The following CERT1 variants were observed in gnomAD, a reference collection of about 807,000 sequenced individuals.
CERT1 encodes ceramide transporter 1, also known as ceramide transfer protein.
Under a neutral mutation model 87.9 loss-of-function variants are expected in CERT1, and 31 were observed. That is an observed-to-expected ratio of 0.35 (90% CI 0.27 to 0.48). The LOEUF (loss-of-function observed/expected upper bound fraction) is 0.48. Among genes scored for constraint, CERT1 ranks in the 20% least tolerant of loss-of-function variants. CERT1 has a pLI of 0.99. For synonymous variants in CERT1, 289 were observed against 250.9 expected, an observed-to-expected ratio of 1.15 and a Z score of -1.44; for missense variants, 487 against 758.0, an observed-to-expected ratio of 0.64 and a Z score of 4.20.
intron 11 of CERT1, among the ~76,000 whole-genome samples, chr5:75,392,615 A>C (rs1459687777): frequency 6.6e-6 from 1 of 152,210 alleles, no homozygotes; most frequent in Non-Finnish European, 1.5e-5. Context: ...CCAGACTGAC[A>C]CTTCAGATTT....
At chr5:75,390,408 C>T (rs1327847762) in intron 11 of CERT1, among the ~76,000 whole-genome samples, 4 of 151,940 alleles carry the variant, frequency 2.6e-5, no homozygotes, top group African/African-American at 9.7e-5. Context: ...CATATAATCA[C>T]CTTTTAGTTC....
chr5:75,504,528 TAACA>T (rs1486069064), intron 2 of CERT1, among the ~76,000 whole-genome samples: 1 of 152,168 alleles, frequency 6.6e-6, no homozygotes, highest in African/African-American at 2.4e-5. Flanking sequence ...CCTAAATGCA[TAACA>T]AACATACGCT....
intron 13 of CERT1, 62 bp downstream of exon 13, chr5:75,385,840 A>G (rs568548026): frequency 6.5e-6 from 8 of 1,235,866 alleles, no homozygotes; most frequent in Non-Finnish European, 8.3e-6. Flanking sequence ...GCAGAAAACT[A>G]GGTTGGATTT....
chr5:75,393,602 T>TAAAAAAAAAA lies in CERT1; in HGVS notation c.1189-3925_1189-3916dup, dbSNP rs60898983. Among the ~76,000 whole-genome samples the TAAAAAAAAAA allele has an allele frequency of 1.3e-3, 41 of 32,736 alleles. 2 individuals carry two copies. Among genetic ancestry groups the TAAAAAAAAAA allele is most frequent in the Admixed American group, 3.0e-3 (5 of 1,660 alleles). 21.5% of individuals were successfully genotyped at this position (32,736 alleles called of 152,430 possible). On this transcript the variant is annotated intron_variant, in intron 11 of 16. Coordinates refer to ENST00000643780, the MANE Select transcript of CERT1 (RefSeq NM_001379029.1). ...GCAACATAGCAAGACCTCATCTACT[T>TAAAAAAAAAA]AAAAAAAAAAAAAAAAAAAAAGAAA...
chr5:75,419,916 T>C (rs568410538), intron 5 of CERT1, among the ~76,000 whole-genome samples: 3 of 152,294 alleles, frequency 2.0e-5, no homozygotes, highest in South Asian at 4.2e-4. Flanking sequence ...CCAGAAGGGC[T>C]GAACAGGACT....
chr5:75,405,642 C>A (rs1762671741), intron 8 of CERT1, among the ~76,000 whole-genome samples: 1 of 152,114 alleles, frequency 6.6e-6, no homozygotes, highest in African/African-American at 2.4e-5. Flanking sequence ...ATACAATAGT[C>A]TCCCCCATCT....
intron 2 of CERT1, among the ~76,000 whole-genome samples, chr5:75,462,321 G>A (rs2112323650): frequency 6.6e-6 from 1 of 152,330 alleles, no homozygotes; most frequent in Admixed American, 6.5e-5. Flanking sequence ...TGCGGGGAAT[G>A]GTTCTGGGAT....
intron 2 of CERT1, among the ~76,000 whole-genome samples, chr5:75,483,104 A>G (rs906802628): frequency 3.9e-5 from 6 of 152,224 alleles, no homozygotes; most frequent in African/African-American, 1.4e-4. Flanking sequence ...ACGGTATTCA[A>G]AATAGCTATT....
rs185778091 is a variant in CERT1 at position 75,480,939 on chromosome 5, T to C, written c.232-21758A>G. 6.6e-3 allele frequency among the ~76,000 whole-genome samples: 1,003 copies of C among 152,288 alleles called. 2 individuals are homozygous for C. Among genetic ancestry groups the C allele is most frequent in the Non-Finnish European group, 0.01 (710 of 68,012 alleles). Reference sequence around the variant, plus strand: ...ATTACCTGCAACAGCCTTTAAAGGCTGCCTGATTCTATTTTCCTGCTTCCA... The same window carrying C: ...ATTACCTGCAACAGCCTTTAAAGGCCGCCTGATTCTATTTTCCTGCTTCCA... On this transcript the variant is annotated intron_variant, in intron 2 of 16. Coordinates refer to ENST00000643780, the MANE Select transcript of CERT1 (RefSeq NM_001379029.1).
chr5:75,416,091 A>C (rs1763123108), intron 7 of CERT1, among the ~76,000 whole-genome samples: 1 of 152,170 alleles, frequency 6.6e-6, no homozygotes, highest in Non-Finnish European at 1.5e-5. Context: ...AATATAACTC[A>C]GAATGAATAT....
At chr5:75,498,500 C>T (rs765896831) in intron 2 of CERT1, among the ~76,000 whole-genome samples, 2 of 152,206 alleles carry the variant, frequency 1.3e-5, no homozygotes, top group East Asian at 3.8e-4. Context: ...GCTGCTTCAG[C>T]TCCAGCTGTG....
chr5:75,474,214 CCT>C (rs1765852273), intron 2 of CERT1, among the ~76,000 whole-genome samples: 1 of 152,170 alleles, frequency 6.6e-6, no homozygotes, highest in Admixed American at 6.5e-5. Context: ...TCACGTACCC[CCT>C]GCTTGCTCAA....
At chr5:75,488,972 G>C (rs1766651848) in intron 2 of CERT1, among the ~76,000 whole-genome samples, 1 of 152,194 alleles carries the variant, frequency 6.6e-6, no homozygotes, top group African/African-American at 2.4e-5. Flanking sequence ...CAAAGCTGGA[G>C]GCATCATGCT....
intron 7 of CERT1, among the ~76,000 whole-genome samples, chr5:75,414,630 T>G (rs1388873600): frequency 6.6e-6 from 1 of 152,146 alleles, no homozygotes; most frequent in Non-Finnish European, 1.5e-5. Context: ...AGTACACTTC[T>G]TCTACAGTGG....
intron 12 of CERT1, among the ~76,000 whole-genome samples, chr5:75,387,471 G>A (rs1405819847): frequency 1.3e-5 from 2 of 152,034 alleles, no homozygotes; most frequent in African/African-American, 4.8e-5. Flanking sequence ...GCCAGGCGCA[G>A]TGGCTCACAC....
At chr5:75,377,033 T>C (rs1157576134), downstream of CERT1, 1 of 152,228 alleles carries the variant, frequency 6.6e-6, no homozygotes, top group Non-Finnish European at 1.5e-5. Flanking sequence ...ATTCATGTTA[T>C]TGCTTACCAT....
chr5:75,373,744 T>C (rs978245226), downstream of CERT1: 1 of 213,800 alleles, frequency 4.7e-6, no homozygotes, highest in Non-Finnish European at 9.2e-6. Flanking sequence ...CATCCAGATA[T>C]TTGGTGCACA....
At chr5:75,376,247 C>T (rs191721482), downstream of CERT1, 1 of 152,330 alleles carries the variant, frequency 6.6e-6, no homozygotes, top group African/African-American at 2.4e-5. Flanking sequence ...ATGTTTTACA[C>T]ACAACTGCAT....
intron 3 of CERT1, among the ~76,000 whole-genome samples, chr5:75,428,726 A>G (rs1763737273): frequency 6.6e-6 from 1 of 152,132 alleles, no homozygotes; most frequent in African/African-American, 2.4e-5. Context: ...TAATCAACAC[A>G]AAGAAAGAAA....
Sources: allele counts gnomAD v4.1 joint callset (sites outside exome capture counted in the v4.1 genomes callset), GRCh38; gene constraint gnomAD v4.1.1; transcripts MANE v1.5; gene names NCBI Gene and HGNC (gene_info 2026-07-23, HGNC 2026-07-21).